Variants in TP53TG5 observed in about 807,000 individuals in gnomAD.
TP53TG5 encodes TP53-target gene 5 protein.
In TP53TG5, 17 loss-of-function variants were observed where a neutral mutation model predicts 30.0. That is an observed-to-expected ratio of 0.57 (90% confidence interval 0.39 to 0.85). TP53TG5 has a LOEUF of 0.85. Among genes scored for constraint, TP53TG5 ranks in the 40% least tolerant of loss-of-function variants. The probability of loss-of-function intolerance (pLI) is 0.00; values close to 1 mark genes in which losing one functional copy is unlikely to be tolerated. For missense variants in TP53TG5, 338 were observed against 367.9 expected, an observed-to-expected ratio of 0.92 and a Z score of 0.67; for synonymous variants, 137 against 139.2, an observed-to-expected ratio of 0.98 and a Z score of 0.11.
In TP53TG5 at chr20:45,378,279, T is replaced by C; in HGVS notation, c.-43A>G. 6.2e-7 allele frequency: 1 copy of C among 1,613,560 alleles called. No homozygotes were observed. The highest frequency in any genetic ancestry group is 1.7e-5 in the Admixed American group (1 of 60,010). ...TCAGAGATGAATGGAGCAACACCAG[T>C]GCCAGGCACCAACCCTGTTCCTCTC... On this transcript the variant is annotated 5_prime_UTR_variant, in exon 1 of 5. Transcript: ENST00000372726.
In TP53TG5 at chr20:45,373,990, C is replaced by T. The variant is rs768884282; in HGVS notation, c.790G>A (p.Ala264Thr). ...PYKVDVTWTR[A>T]RGASRGWRSR... is the part of the protein sequence containing the mutation. ...CTCCACCCTCTGCTCGCACCTCTGG[C>T]TCTCGTCCAGGTCACATCAACCTGC... Residue 264 changes from alanine to threonine, a missense_variant, in exon 5 of 5, where the codon GCC (alanine) becomes ACC (threonine). Transcript: ENST00000372726. 4.3e-6 allele frequency: 7 copies of T among 1,614,114 alleles called. No individual in the cohort carries two copies. In the South Asian group the frequency reaches 7.7e-5, roughly 18 times the overall value.
At chr20:45,374,873 G>C in intron 4 of TP53TG5, 166 bp downstream of exon 4, 1 of 867,370 alleles carries the variant, frequency 1.2e-6, no homozygotes. Flanking sequence ...GTATGATGTT[G>C]GTCTAAGGCT....
At position 45,373,291 on chromosome 20, in the gene TP53TG5, C is replaced by G. The variant is rs1988612835; in HGVS notation, c.*616G>C. ...GCAGTAGAGATGCAGTACCAGCTCC[C>G]CCTCCTGATCCGGTGCCTTCTGTGA... On this transcript the variant is annotated 3_prime_UTR_variant, in exon 5 of 5. Coordinates refer to ENST00000372726, the MANE Select transcript of TP53TG5 (RefSeq NM_014477.3). 6.4e-6 allele frequency: 1 copy of G among 156,626 alleles called. No individual in the cohort carries two copies. Among genetic ancestry groups the G allele is most frequent in the African/African-American group, 2.4e-5 (1 of 41,488 alleles). 9.7% of individuals were successfully genotyped at this position (156,626 alleles called of 1,614,324 possible).
At chr20:45,374,681 C>T (rs868745193) in intron 4 of TP53TG5, 4 of 426,576 alleles carry the variant, frequency 9.4e-6, no homozygotes, top group East Asian at 3.8e-5. Context: ...CCATCTCCCC[C>T]CTCCCACATT....
chr20:45,373,426 T>C lies in TP53TG5; in HGVS notation c.*481A>G. ...TCAATTTTTGACAATCAGGTCGCAA[T>C]GCACGCGCATGACCTACAGGGTGCT... On this transcript the variant is annotated 3_prime_UTR_variant, in exon 5 of 5. Coordinates refer to ENST00000372726, the MANE Select transcript of TP53TG5 (RefSeq NM_014477.3). 5.8e-6 allele frequency: 1 copy of C among 171,480 alleles called. No homozygotes were observed. 10.6% of individuals were successfully genotyped at this position (171,480 alleles called of 1,614,324 possible).
chr20:45,374,938 C>T, intron 4 of TP53TG5, 101 bp downstream of exon 4: 2 of 1,497,782 alleles, frequency 1.3e-6, no homozygotes, highest in East Asian at 2.3e-5. Context: ...CCACACACCA[C>T]TCAAGACTCC....
chr20:45,374,837 C>T (rs190755544), intron 4 of TP53TG5: 14 of 645,338 alleles, frequency 2.2e-5, no homozygotes, highest in Admixed American at 9.1e-5. Context: ...TATCCTGAGA[C>T]GCCTCAACCT....
chr20:45,376,071 C>T (rs1230541111), intron 3 of TP53TG5: 1 of 152,646 alleles, frequency 6.6e-6, no homozygotes, highest in Non-Finnish European at 1.5e-5. Context: ...CATGGTGAGA[C>T]TCTGTCTCCA....
chr20:45,378,159 T>C, intron 1 of TP53TG5, 30 bp downstream of exon 1: 1 of 1,613,952 alleles, frequency 6.2e-7, no homozygotes, highest in Non-Finnish European at 8.5e-7. Flanking sequence ...CTCTAGGGAC[T>C]CACCCCCAGG....
Position 45,375,133 on chromosome 20 carries a change from A to T in TP53TG5, c.674T>A (p.Val225Glu). 2 of 1,613,958 alleles carry T rather than the reference A, an allele frequency of 1.2e-6. No homozygotes were observed. Among genetic ancestry groups the T allele is most frequent in the Non-Finnish European group, 8.5e-7 (1 of 1,179,998 alleles). ...ACGCAGGGTGGAGGATCTGCACATCACCCTGGGCGCCGGGAGGTGGATTCG... is the reference window on the plus strand; with the variant it reads ...ACGCAGGGTGGAGGATCTGCACATCTCCCTGGGCGCCGGGAGGTGGATTCG... The part of the protein sequence containing the change: ...PTRIHLPAPR[V>E]MCRSSTLRWV... Residue 225 changes from valine to glutamate, a missense_variant, in exon 4 of 5, where the codon GTG (valine) becomes GAG (glutamate). Coordinates refer to ENST00000372726, the MANE Select transcript of TP53TG5 (RefSeq NM_014477.3).
At chr20:45,374,988 G>A (rs2145366804) in intron 4 of TP53TG5, 51 bp downstream of exon 4, 1 of 1,574,906 alleles carries the variant, frequency 6.3e-7, no homozygotes, top group African/African-American at 1.3e-5. Flanking sequence ...CTCTGGGCCT[G>A]GCTTGGGGCT....
intron 3 of TP53TG5, chr20:45,375,872 T>G: frequency 3.5e-6 from 1 of 285,508 alleles, no homozygotes; most frequent in Non-Finnish European, 6.6e-6. Flanking sequence ...TCCAGTAGTT[T>G]TTCTAAATTG....
At chr20:45,375,867 T>G (rs1326656543) in intron 3 of TP53TG5, 1 of 305,274 alleles carries the variant, frequency 3.3e-6, no homozygotes, top group African/African-American at 2.2e-5. Flanking sequence ...AACAGTCCAG[T>G]AGTTTTTCTA....
At chr20:45,374,059 G>A (rs1568921568) in intron 4 of TP53TG5, 48 bp from the exon 5 acceptor site, 1 of 1,587,014 alleles carries the variant, frequency 6.3e-7, no homozygotes. Context: ...TCCCCAGGGG[G>A]CGCTGGTCGT....
rs1455882561 is a variant in TP53TG5, at chr20:45,378,188, C to T, written c.48+1G>A. 2.5e-6 allele frequency: 4 copies of T among 1,613,962 alleles called. No individual in the cohort carries two copies. The African/African-American group carries it at 5.3e-5, about 22-fold the overall frequency. Reference sequence around the variant, plus strand: ...CCCCAGGGTCTAGTCCCAAGTCTGACCTTGGAAACCCTGCTGTTCTTGGGC... The same window carrying T: ...CCCCAGGGTCTAGTCCCAAGTCTGATCTTGGAAACCCTGCTGTTCTTGGGC... On this transcript the variant is annotated splice_donor_variant, in intron 1 of 4. Transcript: ENST00000372726. LOFTEE classifies it high-confidence loss of function.
chr20:45,378,273 C>T lies in TP53TG5; in HGVS notation c.-37G>A, dbSNP rs764843478. On this transcript the variant is annotated 5_prime_UTR_variant, in exon 1 of 5. Transcript: ENST00000372726. ...GAGACCTCAGAGATGAATGGAGCAA[C>T]ACCAGTGCCAGGCACCAACCCTGTT... 6.2e-7 allele frequency: 1 copy of T among 1,613,634 alleles called. No homozygotes were observed. The highest frequency in any genetic ancestry group is 8.5e-7 in the Non-Finnish European group (1 of 1,179,894).
intron 4 of TP53TG5, 175 bp from the exon 5 acceptor site, chr20:45,374,186 T>C: frequency 1.5e-6 from 1 of 673,372 alleles, no homozygotes; most frequent in Non-Finnish European, 2.7e-6. Context: ...CCCCCTTCCT[T>C]TCGTGGGACT....
At position 45,375,186 on chromosome 20, in the gene TP53TG5, C is replaced by G; in HGVS notation, c.621G>C (p.Gln207His). The G allele has an allele frequency of 8.1e-6, 13 of 1,614,222 alleles. No individual in the cohort carries two copies. Among genetic ancestry groups the G allele is most frequent in the Non-Finnish European group, 1.0e-5 (12 of 1,180,038 alleles). Residue 207 changes from glutamine (Q) to histidine (H), a missense_variant, in exon 4 of 5, where the codon CAG (glutamine) becomes CAC (histidine). By Grantham distance (24) the Gln-to-His change is conservative. Coordinates refer to ENST00000372726, the MANE Select transcript of TP53TG5 (RefSeq NM_014477.3). The stretch of plus-strand genomic sequence containing the variant: ...TGGGCAGCCCCTCAAACCAGATCCA[C>G]TGGTCGGCTACATCCAGCTGCTTCA... The part of the protein sequence containing the change: ...GHMKQLDVAD[Q>H]WIWFEGLPTR...
intron 3 of TP53TG5, 144 bp from the exon 4 acceptor site, chr20:45,375,696 G>A (rs1988710960): frequency 3.0e-6 from 3 of 1,011,956 alleles, no homozygotes; most frequent in African/African-American, 3.2e-5. Flanking sequence ...CAGAGGCCTT[G>A]TGCTGGTGTG....
Sources: gnomAD v4.1 joint callset for allele counts on GRCh38, gnomAD v4.1.1 for gene constraint, MANE v1.5 for transcripts, NCBI Gene and HGNC (gene_info 2026-07-23, HGNC 2026-07-21) for gene names.